NPAS3: variants seen among roughly 807,000 people sequenced by gnomAD.
NPAS3 encodes neuronal PAS domain protein 3.
A neutral mutation model predicts 73.1 loss-of-function variants in NPAS3; 14 were observed. The observed-to-expected ratio is 0.19, with a 90% confidence interval of 0.13 to 0.30. The LOEUF (loss-of-function observed/expected upper bound fraction) is 0.30, where lower values mean the gene tolerates loss of function less well. NPAS3 is among the 10% of genes least tolerant of loss of function. NPAS3 has a pLI of 1.00. For synonymous variants in NPAS3, 620 were observed against 541.5 expected (o/e 1.14, Z -2.01); for missense variants, 1,096 against 1,250.0 (o/e 0.88, Z 1.86).
At chr14:33,412,563 T>C (rs1175738220) in intron 4 of NPAS3, among the ~76,000 whole-genome samples, 3 of 152,206 alleles carry the variant, frequency 2.0e-5, no homozygotes, top group Non-Finnish European at 4.4e-5. Flanking sequence ...GCTAGTGATA[T>C]ATATTGCCAA....
intron 3 of NPAS3, among the ~76,000 whole-genome samples, chr14:33,352,888 G>C (rs908791034): frequency 6.6e-6 from 1 of 152,176 alleles, no homozygotes; most frequent in Non-Finnish European, 1.5e-5. Flanking sequence ...AATGGTGCAA[G>C]TGAATAAAAG....
intron 3 of NPAS3, among the ~76,000 whole-genome samples, chr14:33,232,107 A>G (rs777958926): frequency 2.6e-5 from 4 of 152,198 alleles, no homozygotes; most frequent in Non-Finnish European, 4.4e-5. Flanking sequence ...ATTGAGTGAC[A>G]GTAGCAAGAA....
At chr14:33,726,827 G>GT (rs1386273761) in intron 6 of NPAS3, among the ~76,000 whole-genome samples, 1 of 152,172 alleles carries the variant, frequency 6.6e-6, no homozygotes, top group Non-Finnish European at 1.5e-5. Flanking sequence ...CATGTGCTGA[G>GT]TGAGGGCAAG....
intron 4 of NPAS3, among the ~76,000 whole-genome samples, chr14:33,552,313 GT>G (rs2055155890): frequency 1.3e-5 from 2 of 152,314 alleles, no homozygotes; most frequent in Admixed American, 1.3e-4. Context: ...AGGATCCTTT[GT>G]TCTCAGCTCT....
chr14:33,174,618 G>T (rs1167936517), intron 2 of NPAS3, among the ~76,000 whole-genome samples: 1 of 152,148 alleles, frequency 6.6e-6, no homozygotes, highest in African/African-American at 2.4e-5. Flanking sequence ...TGTCTAGTGG[G>T]CTCCATCAAC....
intron 7 of NPAS3, among the ~76,000 whole-genome samples, chr14:33,756,327 C>A (rs1031004691): frequency 1.3e-5 from 2 of 152,178 alleles, no homozygotes; most frequent in African/African-American, 4.8e-5. Context: ...TGGGTGGATT[C>A]TTGCAGTACC....
chr14:33,243,032 TA>T (rs1477435671), intron 3 of NPAS3, among the ~76,000 whole-genome samples: 1 of 152,168 alleles, frequency 6.6e-6, no homozygotes, highest in Non-Finnish European at 1.5e-5. Flanking sequence ...GACTGTTTTT[TA>T]AAAATCATTT....
intron 7 of NPAS3, among the ~76,000 whole-genome samples, chr14:33,761,864 C>A (rs1447977270): frequency 6.6e-6 from 1 of 152,168 alleles, no homozygotes; most frequent in Non-Finnish European, 1.5e-5. Flanking sequence ...AATTCTCCAT[C>A]CCCAACTTAG....
chr14:32,967,073 A>G (rs1454028342), intron 1 of NPAS3, among the ~76,000 whole-genome samples: 3 of 152,126 alleles, frequency 2.0e-5, no homozygotes, highest in Non-Finnish European at 4.4e-5. Flanking sequence ...CTTGAAAAAC[A>G]TGGATTTGAA....
At chr14:33,150,395 C>T (rs2044403693) in intron 2 of NPAS3, among the ~76,000 whole-genome samples, 2 of 152,164 alleles carry the variant, frequency 1.3e-5, no homozygotes, top group Non-Finnish European at 2.9e-5. Context: ...ATTGTTGAAA[C>T]GTGCATCAGC....
intron 4 of NPAS3, among the ~76,000 whole-genome samples, chr14:33,387,694 G>T (rs2046830133): frequency 6.6e-6 from 1 of 152,134 alleles, no homozygotes; most frequent in African/African-American, 2.4e-5. Flanking sequence ...CGGAATAAAA[G>T]ATTGGAGTGG....
intron 3 of NPAS3, among the ~76,000 whole-genome samples, chr14:33,254,264 T>C (rs1451311080): frequency 6.6e-6 from 1 of 152,124 alleles, no homozygotes; most frequent in Admixed American, 6.6e-5. Context: ...ATTTCTGTCC[T>C]GTCTGTCCTA....
Position 33,719,980 on chromosome 14 carries a change from TA to T in NPAS3, c.734-15226del, listed in dbSNP as rs372471097. Among the ~76,000 whole-genome samples, 24 of 151,778 alleles carry T rather than the reference TA, an allele frequency of 1.6e-4. 1 individual carries two copies. In the East Asian group the frequency reaches 3.5e-3, roughly 22 times the overall value. ...TAAGAAAATAAAGAGATTTCATGTCTAAAAAAAAGAAAAGCTAGTGTAGAAA... is the reference window on the plus strand; with the variant it reads ...TAAGAAAATAAAGAGATTTCATGTCTAAAAAAAGAAAAGCTAGTGTAGAAA... On this transcript the variant is annotated intron_variant, in intron 6 of 11. Coordinates refer to ENST00000356141, the Ensembl canonical transcript of NPAS3.
At chr14:33,736,741 T>G (rs2061533052) in intron 7 of NPAS3, among the ~76,000 whole-genome samples, 1 of 152,192 alleles carries the variant, frequency 6.6e-6, no homozygotes. Context: ...GCATTCTTTC[T>G]TCACCTTTAT....
intron 3 of NPAS3, among the ~76,000 whole-genome samples, chr14:33,251,367 G>GGT (rs1412600007): frequency 2.0e-5 from 3 of 151,958 alleles, no homozygotes; most frequent in Non-Finnish European, 1.5e-5. Flanking sequence ...GGGTTGGGTG[G>GGT]GTGTACCTCC....
chr14:33,301,222 C>G (rs1422286159), intron 3 of NPAS3, among the ~76,000 whole-genome samples: 2 of 149,878 alleles, frequency 1.3e-5, no homozygotes, highest in African/African-American at 4.9e-5. Context: ...TTCCATATCC[C>G]CCTGACGCTG....
chr14:33,342,600 A>G (rs1225089523), intron 3 of NPAS3, among the ~76,000 whole-genome samples: 1 of 152,208 alleles, frequency 6.6e-6, no homozygotes, highest in East Asian at 1.9e-4. Flanking sequence ...TTAACTTGAT[A>G]AGCCTGTGTG....
intron 5 of NPAS3, among the ~76,000 whole-genome samples, chr14:33,571,087 C>T (rs931813606): frequency 1.3e-5 from 2 of 152,098 alleles, no homozygotes; most frequent in African/African-American, 4.8e-5. Flanking sequence ...TAAGACACTC[C>T]GTTGGTGGTG....
chr14:33,532,979 C>G (rs1462765901), intron 4 of NPAS3, among the ~76,000 whole-genome samples: 1 of 152,000 alleles, frequency 6.6e-6, no homozygotes, highest in Admixed American at 6.6e-5. Context: ...TGTTTTCAAA[C>G]AGAACCTCAG....
Sources: gnomAD v4.1 joint callset for allele counts (sites outside exome capture counted in the v4.1 genomes callset) on GRCh38, gnomAD v4.1.1 for gene constraint, MANE v1.5 for transcripts, NCBI Gene and HGNC (gene_info 2026-07-23, HGNC 2026-07-21) for gene names.